QKI: variants seen among roughly 807,000 people sequenced by gnomAD.
QKI encodes KH domain-containing RNA-binding protein QKI.
A neutral mutation model predicts 39.0 loss-of-function variants in QKI; 10 were observed. The ratio of observed to expected loss-of-function variants is 0.26; its 90% CI spans 0.16 to 0.43. The LOEUF (loss-of-function observed/expected upper bound fraction) is 0.43, where lower values mean the gene tolerates loss of function less well. Among genes scored for constraint, QKI ranks in the 20% least tolerant of loss-of-function variants. QKI has a pLI of 1.00. For synonymous variants in QKI, 204 were observed against 155.4 expected, an observed-to-expected ratio of 1.31 and a Z score of -2.33; for missense variants, 218 against 428.0, an observed-to-expected ratio of 0.51 and a Z score of 4.33.
At chr6:163,434,193 A>G (rs140690768) in intron 1 of QKI, among the ~76,000 whole-genome samples, 180 of 152,294 alleles carry the variant, frequency 1.2e-3, no homozygotes, top group African/African-American at 4.0e-3. Context: ...AGAAGCTGCA[A>G]TGCTGTAACT....
Position 163,576,095 on chromosome 6 carries a change from A to T in QKI, c.*5385A>T, listed in dbSNP as rs558240251. 3.9e-5 allele frequency: 6 copies of T among 152,298 alleles called. No homozygotes were observed. In the South Asian group the frequency reaches 1.0e-3, roughly 26 times the overall value. 9.4% of individuals were successfully genotyped at this position (152,298 alleles called of 1,614,324 possible). ...TTTACATTGTCACGAATTCCTTAAT[A>T]CCTTTATTTAAAATGGAAAAAATAT... is the stretch of plus-strand genomic sequence containing the variant. On this transcript the variant is annotated 3_prime_UTR_variant, in exon 8 of 8. Transcript: ENST00000361752.
rs528927832 is a variant in QKI at position 163,440,710 on chromosome 6, T to C, written c.143-14569T>C. On this transcript the variant is annotated intron_variant, in intron 1 of 7. Coordinates refer to ENST00000361752, the MANE Select transcript of QKI (RefSeq NM_006775.3). ...TTGCTACTCTGCTTCAACTATAGTT[T>C]TTGTTCATTTAGTTTGTTATAGAAC... Among the ~76,000 whole-genome samples, 91 of 152,342 alleles carry C rather than the reference T, an allele frequency of 6.0e-4. 1 individual carries two copies. In the South Asian group the frequency reaches 8.5e-3, roughly 14 times the overall value.
rs1308206053 is a variant in QKI at position 163,521,345 on chromosome 6, C to G, written c.403-13637C>G. Among the ~76,000 whole-genome samples, 3 of 152,088 alleles carry G rather than the reference C, an allele frequency of 2.0e-5. No individual in the cohort carries two copies. In the East Asian group the frequency reaches 5.8e-4, roughly 29 times the overall value. Reference sequence around the variant, plus strand: ...AGTTGAAATTAGAAGGATAATCTTACAGATATTTAAATGTGTTAAACCTTA... The same window carrying G: ...AGTTGAAATTAGAAGGATAATCTTAGAGATATTTAAATGTGTTAAACCTTA... On this transcript the variant is annotated intron_variant, in intron 3 of 7. Transcript: ENST00000361752.
intron 2 of QKI, among the ~76,000 whole-genome samples, chr6:163,456,663 T>G (rs1436431814): frequency 6.6e-6 from 1 of 152,210 alleles, no homozygotes; most frequent in East Asian, 1.9e-4. Flanking sequence ...TTAAAGGTTA[T>G]ATACATTTAC....
Position 163,574,657 on chromosome 6 carries a change from C to T in QKI, c.*3947C>T, listed in dbSNP as rs1275310439. On this transcript the variant is annotated 3_prime_UTR_variant, in exon 8 of 8. Transcript: ENST00000361752. ...ATTTCTTAAATATCTTCATGCTTTT[C>T]TTGGCTGGAACTTGGGTAAATTAAC... 1 of 152,134 alleles carries T rather than the reference C, an allele frequency of 6.6e-6. No individual in the cohort carries two copies. Among genetic ancestry groups the T allele is most frequent in the East Asian group, 1.9e-4 (1 of 5,196 alleles). 9.4% of individuals were successfully genotyped at this position (152,134 alleles called of 1,614,324 possible).
chr6:163,540,501 A>G (rs1449981499), intron 4 of QKI, among the ~76,000 whole-genome samples: 1 of 152,160 alleles, frequency 6.6e-6, no homozygotes, highest in Non-Finnish European at 1.5e-5. Context: ...TTGGGTTTCA[A>G]AACAATCTGG....
At chr6:163,431,506 T>A (rs1034274873) in intron 1 of QKI, among the ~76,000 whole-genome samples, 1 of 66,118 alleles carries the variant, frequency 1.5e-5, no homozygotes, top group Non-Finnish European at 4.5e-5. Flanking sequence ...CTACATTTTT[T>A]AAATTTGGGA....
rs144355631 is a variant in QKI, at chr6:163,524,916, T to C, written c.403-10066T>C. The stretch of plus-strand genomic sequence containing the variant: ...TAACATTTAAAACTCATTGTAGCTC[T>C]GAGATGTAAGTACTATCTTTATGTC... On this transcript the variant is annotated intron_variant, in intron 3 of 7. Transcript: ENST00000361752. Among the ~76,000 whole-genome samples, 6 of 152,304 alleles carry C rather than the reference T, an allele frequency of 3.9e-5. No individual in the cohort carries two copies. In the East Asian group the frequency reaches 9.6e-4, roughly 24 times the overall value.
At chr6:163,560,555 G>C (rs765326033) in intron 4 of QKI, among the ~76,000 whole-genome samples, 3 of 152,126 alleles carry the variant, frequency 2.0e-5, no homozygotes, top group Admixed American at 6.5e-5. Context: ...GAGCACTTAG[G>C]ATGGAGGAAG....
intron 7 of QKI, chr6:163,570,034 A>G (rs1184288927): frequency 1.0e-6 from 1 of 986,270 alleles, no homozygotes; most frequent in East Asian, 1.1e-4. Context: ...GATGTTGCCT[A>G]CACTGCTAGA....
chr6:163,558,678 C>G (rs891126302), intron 4 of QKI, among the ~76,000 whole-genome samples: 1 of 152,076 alleles, frequency 6.6e-6, no homozygotes, highest in Admixed American at 6.6e-5. Context: ...GGATTACAGG[C>G]GTGAGCCACC....
intron 2 of QKI, among the ~76,000 whole-genome samples, chr6:163,474,539 A>T (rs1486468344): frequency 1.3e-5 from 2 of 152,096 alleles, no homozygotes; most frequent in Non-Finnish European, 2.9e-5. Flanking sequence ...AAATTATGAT[A>T]TACGGTAGCA....
chr6:163,546,294 A>G (rs923185715), intron 4 of QKI, among the ~76,000 whole-genome samples: 2 of 151,780 alleles, frequency 1.3e-5, no homozygotes, highest in Admixed American at 6.6e-5. Context: ...GATGGTGGGT[A>G]AGTAGCATCA....
chr6:163,445,707 C>T (rs1019978331), intron 1 of QKI, among the ~76,000 whole-genome samples: 22 of 151,828 alleles, frequency 1.4e-4, no homozygotes, highest in African/African-American at 5.1e-4. Flanking sequence ...CTCCGCCTCC[C>T]GGGTTCATGC....
At chr6:163,559,985 C>A (rs781133512) in intron 4 of QKI, among the ~76,000 whole-genome samples, 3 of 152,108 alleles carry the variant, frequency 2.0e-5, no homozygotes, top group East Asian at 1.9e-4. Context: ...TTAGTTCTAT[C>A]TCTACACAGA....
intron 4 of QKI, among the ~76,000 whole-genome samples, chr6:163,549,482 G>A (rs577603139): frequency 1.5e-4 from 23 of 152,216 alleles, no homozygotes; most frequent in African/African-American, 4.1e-4. Flanking sequence ...AGGCTGAGGC[G>A]GGCGGATCTC....
chr6:163,424,777 G>A (rs569139763), intron 1 of QKI, among the ~76,000 whole-genome samples: 6 of 151,710 alleles, frequency 4.0e-5, no homozygotes, highest in African/African-American at 9.7e-5. Context: ...GATTACAGGC[G>A]TGCACCTCCA....
rs182423925 is a variant in QKI at position 163,565,057 on chromosome 6, C to T, written c.934+1338C>T. ...GCATGCACTCAGGTGCCCTTTGTTT[C>T]ATGAACAAATACATTTCATTGTACA... On this transcript the variant is annotated intron_variant, in intron 6 of 7. Transcript: ENST00000361752. The T allele has an allele frequency of 8.2e-5, 89 of 1,083,654 alleles. No homozygotes were observed. The African/African-American group carries it at 1.3e-3, about 16-fold the overall frequency. The allele number at this position is 1,083,654 out of a possible 1,614,324, so 67.1% of individuals were successfully genotyped here.
intron 1 of QKI, among the ~76,000 whole-genome samples, chr6:163,419,359 G>A (rs1224999530): frequency 6.6e-6 from 1 of 151,866 alleles, no homozygotes. Context: ...GAATTATATG[G>A]TGGTTGGTAT....
Sources: allele counts gnomAD v4.1 joint callset (sites outside exome capture counted in the v4.1 genomes callset), GRCh38; gene constraint gnomAD v4.1.1; transcripts MANE v1.5; gene names NCBI Gene and HGNC (gene_info 2026-07-23, HGNC 2026-07-21).